PPP2R2A: variants seen among roughly 807,000 people sequenced by gnomAD.
PPP2R2A encodes serine/threonine-protein phosphatase 2A 55 kDa regulatory subunit B alpha isoform.
In PPP2R2A, 9 loss-of-function variants were observed where a neutral mutation model predicts 53.2. The ratio of observed to expected loss-of-function variants is 0.17; its 90% CI spans 0.10 to 0.30. The LOEUF (loss-of-function observed/expected upper bound fraction) is 0.30, where lower values mean the gene tolerates loss of function less well. Among genes scored for constraint, PPP2R2A ranks in the 10% least tolerant of loss-of-function variants. The probability of loss-of-function intolerance (pLI) is 1.00; values close to 1 mark genes in which losing one functional copy is unlikely to be tolerated. For synonymous variants in PPP2R2A, 169 were observed against 174.2 expected (o/e 0.97, Z 0.23); for missense variants, 235 against 534.6 (o/e 0.44, Z 5.53).
At chr8:26,299,050 G>A (rs1001963267) in intron 2 of PPP2R2A, among the ~76,000 whole-genome samples, 1 of 152,308 alleles carries the variant, frequency 6.6e-6, no homozygotes, top group Non-Finnish European at 1.5e-5. Flanking sequence ...CAGGCGAGAG[G>A]ATCTCTTGAA....
At chr8:26,313,734 A>G (rs529716362) in intron 2 of PPP2R2A, among the ~76,000 whole-genome samples, 1 of 152,212 alleles carries the variant, frequency 6.6e-6, no homozygotes, top group Non-Finnish European at 1.5e-5. Context: ...GATTGCAAGG[A>G]AAGGGTCACA....
In PPP2R2A at chr8:26,371,644, G is replaced by A. The variant is rs1805671817; in HGVS notation, c.*1231G>A. ...TTTGTATTTTACTGCTATCAAATCA[G>A]AATGAAATATACTTTACCATAGATA... On this transcript the variant is annotated 3_prime_UTR_variant, in exon 10 of 10. Transcript: ENST00000380737. The A allele has an allele frequency of 6.6e-6, 1 of 152,078 alleles. No individual in the cohort carries two copies. The highest frequency in any genetic ancestry group is 2.4e-5 in the African/African-American group (1 of 41,420). The allele number at this position is 152,078 out of a possible 1,614,324, so 9.4% of individuals were successfully genotyped here.
chr8:26,342,807 T>C (rs1461342585), intron 3 of PPP2R2A, among the ~76,000 whole-genome samples: 2 of 152,184 alleles, frequency 1.3e-5, no homozygotes, highest in Non-Finnish European at 2.9e-5. Context: ...TTAAAAAGCA[T>C]GCTTTTCACA....
At chr8:26,366,799 C>T (rs1383261883) in intron 9 of PPP2R2A, among the ~76,000 whole-genome samples, 1 of 152,044 alleles carries the variant, frequency 6.6e-6, no homozygotes, top group Middle Eastern at 3.2e-3. Flanking sequence ...ACATTAACAC[C>T]TCATAGAAGT....
At chr8:26,309,304 A>G (rs1184662152) in intron 2 of PPP2R2A, among the ~76,000 whole-genome samples, 1 of 152,220 alleles carries the variant, frequency 6.6e-6, no homozygotes, top group Non-Finnish European at 1.5e-5. Flanking sequence ...ATGAGCAGCA[A>G]TATTTGGAAA....
chr8:26,313,950 C>T (rs1483371298), intron 2 of PPP2R2A, among the ~76,000 whole-genome samples: 1 of 152,206 alleles, frequency 6.6e-6, no homozygotes, highest in East Asian at 1.9e-4. Flanking sequence ...CCATAGGAAA[C>T]TCACGCAGGA....
At chr8:26,300,884 A>G (rs1410051622) in intron 2 of PPP2R2A, among the ~76,000 whole-genome samples, 2 of 152,136 alleles carry the variant, frequency 1.3e-5, no homozygotes, top group African/African-American at 4.8e-5. Context: ...CCTAGGTGCA[A>G]ATTAGATTTT....
chr8:26,353,799 A>C lies in PPP2R2A; in HGVS notation c.181-669A>C, dbSNP rs146267706. Among the ~76,000 whole-genome samples, 26 of 152,288 alleles carry C rather than the reference A, an allele frequency of 1.7e-4. No individual in the cohort carries two copies. The East Asian group carries it at 4.4e-3, about 26-fold the overall frequency. On this transcript the variant is annotated intron_variant, in intron 3 of 9. Coordinates refer to ENST00000380737, the MANE Select transcript of PPP2R2A (RefSeq NM_002717.4). ...GCCAGGTTCATAAGATGAGAAAGCA[A>C]ATTTAAGGCGAGTAAGCAGTTGTTG...
At chr8:26,300,811 A>G (rs1198281515) in intron 2 of PPP2R2A, among the ~76,000 whole-genome samples, 1 of 152,204 alleles carries the variant, frequency 6.6e-6, no homozygotes, top group Non-Finnish European at 1.5e-5. Context: ...AGATCGTGCC[A>G]CTGCACTCCA....
chr8:26,359,281 G>A (rs1240027803), intron 4 of PPP2R2A, among the ~76,000 whole-genome samples: 1 of 152,184 alleles, frequency 6.6e-6, no homozygotes, highest in African/African-American at 2.4e-5. Flanking sequence ...TAAATGCAGT[G>A]TTGTTTGAAT....
chr8:26,338,809 G>C lies in PPP2R2A; in HGVS notation c.83-81G>C. 1 of 927,444 alleles carries C rather than the reference G, an allele frequency of 1.1e-6. No homozygotes were observed. Among genetic ancestry groups the C allele is most frequent in the East Asian group, 2.6e-5 (1 of 39,128 alleles). The allele number at this position is 927,444 out of a possible 1,614,324, so 57.5% of individuals were successfully genotyped here. A position where few individuals can be genotyped will look rare whatever the true frequency, so the allele number is the denominator to read the frequency against. On this transcript the variant is annotated intron_variant, in intron 2 of 9. Transcript: ENST00000380737. This position sits in a 1 kb window ranked among gnomAD's most constrained non-coding sequence, Gnocchi z 4.5. ...TATACTTCATAGACTTGGAATGTTTGGGAAAACACGCTAAGTTCTGAAACT... is the reference window on the plus strand; with the variant it reads ...TATACTTCATAGACTTGGAATGTTTCGGAAAACACGCTAAGTTCTGAAACT...
intron 2 of PPP2R2A, among the ~76,000 whole-genome samples, chr8:26,305,882 A>G (rs1469263630): frequency 6.6e-6 from 1 of 152,192 alleles, no homozygotes. Flanking sequence ...AAAAAATCCC[A>G]TATTGCAGGT....
intron 1 of PPP2R2A, chr8:26,292,054 G>A: frequency 1.6e-6 from 2 of 1,239,122 alleles, no homozygotes; most frequent in African/African-American, 3.2e-5. Flanking sequence ...CGTGGCGGGG[G>A]TGGGGGTGGG....
intron 2 of PPP2R2A, among the ~76,000 whole-genome samples, chr8:26,306,296 T>G (rs1010407699): frequency 6.6e-6 from 1 of 150,678 alleles, no homozygotes; most frequent in Non-Finnish European, 1.5e-5. Flanking sequence ...GCCAACATGG[T>G]GAAACACCGT....
chr8:26,316,798 C>T (rs1206998686), intron 2 of PPP2R2A, among the ~76,000 whole-genome samples: 1 of 152,198 alleles, frequency 6.6e-6, no homozygotes, highest in Non-Finnish European at 1.5e-5. Context: ...ACACACTAAT[C>T]GCATTCATGA....
intron 3 of PPP2R2A, among the ~76,000 whole-genome samples, chr8:26,348,874 C>G (rs1804352313): frequency 6.6e-6 from 1 of 152,088 alleles, no homozygotes; most frequent in African/African-American, 2.4e-5. Flanking sequence ...GTGGTTTTCT[C>G]AGGGATTTTT....
chr8:26,301,092 C>T (rs1056450826), intron 2 of PPP2R2A, among the ~76,000 whole-genome samples: 1 of 152,132 alleles, frequency 6.6e-6, no homozygotes, highest in Non-Finnish European at 1.5e-5. Flanking sequence ...TAATCTTGAG[C>T]AGGTGGTGAA....
In PPP2R2A at chr8:26,367,466, A is replaced by T. The variant is rs183491731; in HGVS notation, c.1064+1060A>T. Among the ~76,000 whole-genome samples the T allele has an allele frequency of 2.5e-3, 378 of 152,116 alleles. 1 individual carries two copies. The highest frequency in any genetic ancestry group is 0.012 in the South Asian group (56 of 4,808). ...CGATTTGTTTTCCTTAATATTAAAA[A>T]TTTTTTTTTAACTATTTCAAACTTA... On this transcript the variant is annotated intron_variant, in intron 9 of 9. Coordinates refer to ENST00000380737, the MANE Select transcript of PPP2R2A (RefSeq NM_002717.4).
Position 26,301,338 on chromosome 8 carries a change from GT to G in PPP2R2A, c.82+7610del, listed in dbSNP as rs529357848. On this transcript the variant is annotated intron_variant, in intron 2 of 9. Coordinates refer to ENST00000380737, the MANE Select transcript of PPP2R2A (RefSeq NM_002717.4). ...TTTTTTTTTCCTTTTTCTTTTTTTT[GT>G]TTTTTTTTTTTGAGACGGGGTCTTG... Among the ~76,000 whole-genome samples the G allele has an allele frequency of 5.1e-3, 643 of 126,482 alleles. 5 individuals carry two copies. Among genetic ancestry groups the G allele is most frequent in the Non-Finnish European group, 6.1e-3 (358 of 58,398 alleles). The allele number at this position is 126,482 out of a possible 152,430, so 83.0% of individuals were successfully genotyped here. A position where few individuals can be genotyped will look rare whatever the true frequency, so the allele number is the denominator to read the frequency against.
Sources: allele counts gnomAD v4.1 joint callset (sites outside exome capture counted in the v4.1 genomes callset), GRCh38; gene constraint gnomAD v4.1.1; non-coding constraint Gnocchi (gnomAD v3.1); transcripts MANE v1.5; gene names NCBI Gene and HGNC (gene_info 2026-07-23, HGNC 2026-07-21).